SLC5A12: variants seen among roughly 807,000 people sequenced by gnomAD.
The protein encoded by SLC5A12 is sodium-coupled monocarboxylate transporter 2.
In SLC5A12, 46 loss-of-function variants were observed where a neutral mutation model predicts 72.7. The observed-to-expected ratio is 0.63, with a 90% confidence interval of 0.50 to 0.81. The LOEUF is 0.81. Ranked by LOEUF, SLC5A12 falls within the 30% of genes least tolerant of loss-of-function variation. SLC5A12 has a pLI of 0.00. For synonymous variants in SLC5A12, 275 were observed against 264.4 expected (o/e 1.04, Z -0.39); for missense variants, 683 against 740.7 (o/e 0.92, Z 0.90).
rs780191086 is a variant in SLC5A12, at chr11:26,670,142, T to G, written c.*960A>C. Reference sequence around the variant, plus strand: ...CCCAGGTGGAGTGAGTTGAGCTTGCTCACATGAGTTGAATGAGCAGAGTAC... The same window carrying G: ...CCCAGGTGGAGTGAGTTGAGCTTGCGCACATGAGTTGAATGAGCAGAGTAC... On this transcript the variant is annotated 3_prime_UTR_variant, in exon 15 of 15. Coordinates refer to ENST00000396005, the MANE Select transcript of SLC5A12 (RefSeq NM_178498.4). The G allele has an allele frequency of 1.4e-4, 22 of 152,150 alleles. No homozygotes were observed. Among genetic ancestry groups the G allele is most frequent in the Non-Finnish European group, 2.6e-4 (18 of 68,028 alleles). The allele number at this position is 152,150 out of a possible 1,614,324, so 9.4% of individuals were successfully genotyped here. A position where few individuals can be genotyped will look rare whatever the true frequency, so the allele number is the denominator to read the frequency against.
intron 1 of SLC5A12, among the ~76,000 whole-genome samples, chr11:26,718,902 C>T (rs1855414935): frequency 6.6e-6 from 1 of 151,984 alleles, no homozygotes; most frequent in African/African-American, 2.4e-5. Context: ...ACTATTAGGT[C>T]ACTAAAAAGT....
At chr11:26,699,982 T>A (rs1163660355) in intron 6 of SLC5A12, among the ~76,000 whole-genome samples, 1 of 152,228 alleles carries the variant, frequency 6.6e-6, no homozygotes, top group East Asian at 1.9e-4. Context: ...TTTACACTGT[T>A]TCTTTTTAAA....
At chr11:26,680,188 C>G (rs1854360228) in intron 12 of SLC5A12, among the ~76,000 whole-genome samples, 1 of 150,760 alleles carries the variant, frequency 6.6e-6, no homozygotes, top group South Asian at 2.1e-4. Flanking sequence ...TTTGAGGATA[C>G]ACAAATAACA....
intron 3 of SLC5A12, 71 bp from the exon 4 acceptor site, chr11:26,709,450 A>G: frequency 1.8e-6 from 2 of 1,136,074 alleles, no homozygotes. Flanking sequence ...TTATGAGGAA[A>G]AAGACACAAT....
chr11:26,681,291 G>C, intron 11 of SLC5A12, 70 bp from the exon 12 acceptor site: 486 of 1,162,310 alleles, frequency 4.2e-4, no homozygotes, highest in Non-Finnish European at 5.2e-4. Context: ...ATGAGATGAG[G>C]AGTTCTATGC....
Position 26,692,599 on chromosome 11 carries a change from G to C in SLC5A12, c.1043C>G (p.Thr348Ser). 6.2e-7 allele frequency: 1 copy of C among 1,610,778 alleles called. No individual in the cohort carries two copies. Among genetic ancestry groups the C allele is most frequent in the Non-Finnish European group, 8.5e-7 (1 of 1,177,032 alleles). Residue 348 changes from threonine to serine, a missense_variant and splice_region_variant, in exon 9 of 15, where the codon ACC becomes AGC. By Grantham distance (58) the Thr-to-Ser change is moderately conservative (BLOSUM62 1). Coordinates refer to ENST00000396005, the MANE Select transcript of SLC5A12 (RefSeq NM_178498.4). ...VACAFSGTLS[T>S]VASSINALAT... is the part of the protein sequence containing the mutation. Reference sequence around the variant, plus strand: ...CAAGGCATTGATGCTGGAAGCCACGGTGCTATAAGGAAAGAAAAGTGAGAA... The same window carrying C: ...CAAGGCATTGATGCTGGAAGCCACGCTGCTATAAGGAAAGAAAAGTGAGAA...
intron 6 of SLC5A12, 26 bp from the exon 7 acceptor site, chr11:26,698,561 G>A: frequency 1.2e-6 from 2 of 1,612,824 alleles, no homozygotes; most frequent in South Asian, 1.1e-5. Context: ...TGGGCCTATT[G>A]GTAGCCTGTA....
intron 7 of SLC5A12, among the ~76,000 whole-genome samples, chr11:26,698,011 C>A (rs539657576): frequency 6.7e-6 from 1 of 150,082 alleles, no homozygotes; most frequent in African/African-American, 2.4e-5. Flanking sequence ...AATTCTCCTG[C>A]CTCAGCCTCT....
chr11:26,681,075 C>T lies in SLC5A12; in HGVS notation c.1455G>A (p.Gly485=), dbSNP rs770447533. Reference sequence around the variant, plus strand: ...CATACCTGCTGGATAGTACTGGAGGCCCTGTTGCTGTCACATTTGATTTGA... The same window carrying T: ...CATACCTGCTGGATAGTACTGGAGGTCCTGTTGCTGTCACATTTGATTTGA... ...QCIKSNVTAT[G]PPVLSSRPGI... Residue 485 remains glycine, a synonymous_variant, in exon 12 of 15, where the codon GGG becomes GGA. Coordinates refer to ENST00000396005, the MANE Select transcript of SLC5A12 (RefSeq NM_178498.4). 1.9e-6 allele frequency: 3 copies of T among 1,607,118 alleles called. No individual in the cohort carries two copies. The highest frequency in any genetic ancestry group is 1.7e-5 in the Admixed American group (1 of 59,310).
chr11:26,723,276 A>G (rs1459561020), upstream of SLC5A12: 3 of 152,544 alleles, frequency 2.0e-5, no homozygotes, highest in Non-Finnish European at 4.4e-5. Context: ...AGAAAGGTTT[A>G]ATTAGATAGC....
intron 9 of SLC5A12, among the ~76,000 whole-genome samples, chr11:26,687,070 G>A (rs1854554321): frequency 6.6e-6 from 1 of 151,814 alleles, no homozygotes; most frequent in South Asian, 2.1e-4. Context: ...TATCCTTATG[G>A]TCCTTAGTTA....
At chr11:26,686,427 T>TG (rs1158940561) in intron 10 of SLC5A12, 50 bp downstream of exon 10, 2 of 1,537,670 alleles carry the variant, frequency 1.3e-6, no homozygotes, top group East Asian at 2.2e-5. Flanking sequence ...TAAAAGAGAG[T>TG]GGGGGGAAGT....
At position 26,703,856 on chromosome 11, in the gene SLC5A12, T is replaced by G. The variant is rs1855022158; in HGVS notation, c.617A>C (p.His206Pro). The G allele has an allele frequency of 6.2e-7, 1 of 1,613,970 alleles. No homozygotes were observed. Residue 206 changes from histidine to proline, a missense_variant, in exon 5 of 15, where the codon CAT (histidine) becomes CCT (proline). By Grantham distance (77) the His-to-Pro change is moderately conservative. Transcript: ENST00000396005. ...TAATACATTGTGGAATCCCCCAGCA[T>G]GAGTTGATCCTTGAATGAGAACCGT... ...FLTVLIQGST[H>P]AGGFHNVLEQ... is the part of the protein sequence containing the mutation.
intron 4 of SLC5A12, among the ~76,000 whole-genome samples, chr11:26,704,797 T>C (rs1220771798): frequency 6.6e-6 from 1 of 152,014 alleles, no homozygotes; most frequent in African/African-American, 2.4e-5. Flanking sequence ...ACAAATAGGA[T>C]CTGGCTTGCA....
chr11:26,721,937 G>T lies in SLC5A12; in HGVS notation c.-223C>A. On this transcript the variant is annotated 5_prime_UTR_variant, in exon 1 of 15. Transcript: ENST00000396005. ...AAAGAAGAATCTGGTGGTGGTATTG[G>T]CACCAAGAGATGAGAATTTGAAATC... 1.9e-6 allele frequency: 1 copy of T among 537,494 alleles called. No individual in the cohort carries two copies. Among genetic ancestry groups the T allele is most frequent in the Non-Finnish European group, 3.3e-6 (1 of 303,636 alleles). The allele number at this position is 537,494 out of a possible 1,614,324, so 33.3% of individuals were successfully genotyped here.
chr11:26,705,922 TCATACACACA>T (rs1855074796), intron 4 of SLC5A12, among the ~76,000 whole-genome samples: 1 of 104,244 alleles, frequency 9.6e-6, no homozygotes, highest in South Asian at 3.3e-4. Context: ...CTTTTCTCTG[TCATACACACA>T]CACACACACA....
intron 13 of SLC5A12, among the ~76,000 whole-genome samples, chr11:26,675,221 G>A (rs1854238869): frequency 6.6e-6 from 1 of 151,968 alleles, no homozygotes; most frequent in Non-Finnish European, 1.5e-5. Context: ...CTTAAGAGCA[G>A]GTCCTGAGAT....
intron 1 of SLC5A12, among the ~76,000 whole-genome samples, chr11:26,720,520 CT>C (rs1855454639): frequency 6.6e-6 from 1 of 151,702 alleles, no homozygotes; most frequent in African/African-American, 2.4e-5. Flanking sequence ...GCCTGAGTGA[CT>C]TTTGAAGGCT....
intron 8 of SLC5A12, among the ~76,000 whole-genome samples, chr11:26,695,966 C>T (rs1404731098): frequency 6.6e-6 from 1 of 152,150 alleles, no homozygotes. Flanking sequence ...AATGTTCCTG[C>T]TTGTGCTCTT....
Sources: gnomAD v4.1 joint callset for allele counts (sites outside exome capture counted in the v4.1 genomes callset) on GRCh38, gnomAD v4.1.1 for gene constraint, MANE v1.5 for transcripts, NCBI Gene and HGNC (gene_info 2026-07-23, HGNC 2026-07-21) for gene names.